Variants in AGFG1 observed in about 807,000 individuals in gnomAD.
The protein encoded by AGFG1 is arf-GAP domain and FG repeat-containing protein 1.
In AGFG1, 10 loss-of-function variants were observed where a neutral mutation model predicts 60.6. The observed-to-expected ratio is 0.16, with a 90% CI of 0.10 to 0.28. AGFG1 has a LOEUF of 0.28. Ranked by LOEUF, AGFG1 falls within the 10% of genes least tolerant of loss-of-function variation. AGFG1 has a pLI of 1.00. For synonymous variants in AGFG1, 247 were observed against 242.9 expected (o/e 1.02, Z -0.16); for missense variants, 537 against 676.5 (o/e 0.79, Z 2.29).
intron 2 of AGFG1, among the ~76,000 whole-genome samples, chr2:227,509,239 C>A (rs1013452746): frequency 6.6e-6 from 1 of 152,120 alleles, no homozygotes; most frequent in South Asian, 2.1e-4. Context: ...TACATAGTAT[C>A]TTCCCCAAAA....
At chr2:227,481,375 C>T (rs1486466902) in intron 1 of AGFG1, among the ~76,000 whole-genome samples, 2 of 152,072 alleles carry the variant, frequency 1.3e-5, no homozygotes, top group Admixed American at 6.5e-5. Context: ...AGACTTCCCA[C>T]CTAGGGCTGG....
At chr2:227,539,276 C>G (rs889733375) in intron 10 of AGFG1, among the ~76,000 whole-genome samples, 1 of 151,972 alleles carries the variant, frequency 6.6e-6, no homozygotes, top group Non-Finnish European at 1.5e-5. Context: ...GACCCTGTCT[C>G]TACTAAAAAT....
At chr2:227,542,948 G>A (rs62191038) in intron 10 of AGFG1, among the ~76,000 whole-genome samples, 6,791 of 152,134 alleles carry the variant, frequency 0.045, 233 homozygotes, top group Middle Eastern at 0.11. Flanking sequence ...TTGCATAGAG[G>A]TGTTTATAGT....
Position 227,556,885 on chromosome 2 carries a change from G to T in AGFG1, c.*2390G>T, listed in dbSNP as rs952826177. 1 of 152,020 alleles carries T rather than the reference G, an allele frequency of 6.6e-6. No individual in the cohort carries two copies. The highest frequency in any genetic ancestry group is 1.5e-5 in the Non-Finnish European group (1 of 68,008). 9.4% of individuals were successfully genotyped at this position (152,020 alleles called of 1,614,324 possible). ...GGAGTTGGAGGCTGCAGTGCGCTACGATCACACCACTGCACACCAGCCTGG... is the reference window on the plus strand; with the variant it reads ...GGAGTTGGAGGCTGCAGTGCGCTACTATCACACCACTGCACACCAGCCTGG... On this transcript the variant is annotated 3_prime_UTR_variant, in exon 13 of 13. Coordinates refer to ENST00000310078, the MANE Select transcript of AGFG1 (RefSeq NM_004504.5).
In AGFG1 at chr2:227,472,419, G is replaced by T. The variant is rs1187222248; in HGVS notation, c.-3G>T. ...GCCGGCCTCCTCCCTTGGCGCCGCG[G>T]CCATGGCGGCCAGCGCGAAGCGGAA... is the stretch of plus-strand genomic sequence containing the variant. On this transcript the variant is annotated 5_prime_UTR_variant, in exon 1 of 13. Coordinates refer to ENST00000310078, the MANE Select transcript of AGFG1 (RefSeq NM_004504.5). 6.7e-7 allele frequency: 1 copy of T among 1,491,724 alleles called. No homozygotes were observed. Among genetic ancestry groups the T allele is most frequent in the Non-Finnish European group, 9.0e-7 (1 of 1,116,840 alleles). The allele number at this position is 1,491,724 out of a possible 1,614,324, so 92.4% of individuals were successfully genotyped here. A position where few individuals can be genotyped will look rare whatever the true frequency, so the allele number is the denominator to read the frequency against.
At chr2:227,519,586 C>G (rs1286810784) in intron 2 of AGFG1, among the ~76,000 whole-genome samples, 1 of 152,068 alleles carries the variant, frequency 6.6e-6, no homozygotes, top group Non-Finnish European at 1.5e-5. Flanking sequence ...TTTAGACTTG[C>G]TAAAGGGCCT....
At chr2:227,477,102 A>C (rs868351441) in intron 1 of AGFG1, among the ~76,000 whole-genome samples, 1 of 152,072 alleles carries the variant, frequency 6.6e-6, no homozygotes, top group Non-Finnish European at 1.5e-5. Context: ...GGGTTTCGCC[A>C]TGTTGGCCAG....
chr2:227,475,865 T>C (rs1690267040), intron 1 of AGFG1, among the ~76,000 whole-genome samples: 1 of 152,232 alleles, frequency 6.6e-6, no homozygotes, highest in Admixed American at 6.5e-5. Context: ...GTTACAAATA[T>C]TGAAATAAGG....
chr2:227,477,226 CA>C (rs762402109), intron 1 of AGFG1, among the ~76,000 whole-genome samples: 24 of 152,034 alleles, frequency 1.6e-4, no homozygotes, highest in Non-Finnish European at 3.1e-4. Flanking sequence ...TTGTGAAGGA[CA>C]AATTTTTTAT....
chr2:227,518,516 C>CT (rs1222543055), intron 2 of AGFG1, among the ~76,000 whole-genome samples: 7,785 of 102,264 alleles, frequency 0.076, 404 homozygotes, highest in African/African-American at 0.13. Context: ...GTCTCAGTGT[C>CT]TTTTTTTTTT....
At chr2:227,491,271 A>G (rs1690807966) in intron 1 of AGFG1, among the ~76,000 whole-genome samples, 1 of 152,206 alleles carries the variant, frequency 6.6e-6, no homozygotes, top group Admixed American at 6.5e-5. Context: ...CACTATTTGC[A>G]TTTCCTAGAA....
At chr2:227,537,051 C>A in intron 10 of AGFG1, 58 bp downstream of exon 10, 1 of 1,456,192 alleles carries the variant, frequency 6.9e-7, no homozygotes, top group Non-Finnish European at 9.5e-7. Flanking sequence ...TCAACAAAGA[C>A]ACCATGTGAA....
chr2:227,517,650 T>C (rs1052063908), intron 2 of AGFG1, among the ~76,000 whole-genome samples: 16 of 152,360 alleles, frequency 1.1e-4, no homozygotes, highest in African/African-American at 3.6e-4. Context: ...CTTTCTCTTA[T>C]TTCTCCCATA....
chr2:227,497,761 T>TTTGG (rs546987888), intron 2 of AGFG1, among the ~76,000 whole-genome samples: 1 of 65,158 alleles, frequency 1.5e-5, no homozygotes. Flanking sequence ...TTTTTTTTTT[T>TTTGG]GGGGACGGAG....
Position 227,533,744 on chromosome 2 carries a change from T to A in AGFG1, c.1010T>A (p.Phe337Tyr), listed in dbSNP as rs1301259461. The A allele has an allele frequency of 6.2e-7, 1 of 1,613,538 alleles. No individual in the cohort carries two copies. The highest frequency in any genetic ancestry group is 1.7e-5 in the Admixed American group (1 of 59,950). The change falls in exon 7 of 13, where the codon TTC (phenylalanine) becomes TAC (tyrosine). Residue 337 changes from phenylalanine to tyrosine, a missense_variant. By Grantham distance (22) the Phe-to-Tyr change is conservative. Transcript: ENST00000310078. ...YAALANLDNI[F>Y]SAGQGGDQGS... ...GCACTTGCTAATTTAGACAATATCTTCAGTGCCGGGCAAGGTATCAAGCTT... is the reference window on the plus strand; with the variant it reads ...GCACTTGCTAATTTAGACAATATCTACAGTGCCGGGCAAGGTATCAAGCTT...
At chr2:227,521,356 T>C (rs1691821944) in intron 3 of AGFG1, among the ~76,000 whole-genome samples, 1 of 152,216 alleles carries the variant, frequency 6.6e-6, no homozygotes, top group South Asian at 2.1e-4. Flanking sequence ...TGTGAGCCAC[T>C]GTGCCCGGCC....
intron 8 of AGFG1, among the ~76,000 whole-genome samples, chr2:227,535,588 C>T (rs1692285212): frequency 6.6e-6 from 1 of 152,174 alleles, no homozygotes; most frequent in Non-Finnish European, 1.5e-5. Flanking sequence ...TTGTAAAAAA[C>T]TTTTCTAGTC....
intron 1 of AGFG1, among the ~76,000 whole-genome samples, chr2:227,484,948 G>A (rs1211575425): frequency 6.6e-6 from 1 of 151,944 alleles, no homozygotes; most frequent in African/African-American, 2.4e-5. Flanking sequence ...GAGCTCAGGT[G>A]ATCTGCCCAC....
In AGFG1 at chr2:227,557,570, T is replaced by C. The variant is rs1246998095; in HGVS notation, c.*3075T>C. On this transcript the variant is annotated 3_prime_UTR_variant, in exon 13 of 13. Coordinates refer to ENST00000310078, the MANE Select transcript of AGFG1 (RefSeq NM_004504.5). ...TGAGAATTTATTGTATTAAAATTAA[T>C]ACTGAGATATTTTTAAAACATGTTT... The C allele has an allele frequency of 7.0e-6, 1 of 142,650 alleles. No individual in the cohort carries two copies. Among genetic ancestry groups the C allele is most frequent in the East Asian group, 2.1e-4 (1 of 4,794 alleles). The allele number at this position is 142,650 out of a possible 1,614,324, so 8.8% of individuals were successfully genotyped here. A position where few individuals can be genotyped will look rare whatever the true frequency, so the allele number is the denominator to read the frequency against.
Sources: allele counts gnomAD v4.1 joint callset (sites outside exome capture counted in the v4.1 genomes callset), GRCh38; gene constraint gnomAD v4.1.1; transcripts MANE v1.5; gene names NCBI Gene and HGNC (gene_info 2026-07-23, HGNC 2026-07-21).